Variants in PTPN13 observed in about 807,000 individuals in gnomAD.
The protein encoded by PTPN13 is protein tyrosine phosphatase non-receptor type 13, also known as tyrosine-protein phosphatase non-receptor type 13.
In PTPN13, 191 loss-of-function variants were observed where a neutral mutation model predicts 284.0. The observed-to-expected ratio is 0.67, with a 90% confidence interval of 0.60 to 0.76. The LOEUF is 0.76. Among genes scored for constraint, PTPN13 ranks in the 30% least tolerant of loss-of-function variants. The pLI is 0.00. For synonymous variants in PTPN13, 986 were observed against 1,022.3 expected, an observed-to-expected ratio of 0.96 and a Z score of 0.68; for missense variants, 2,797 against 2,939.9, an observed-to-expected ratio of 0.95 and a Z score of 1.12.
chr4:86,747,809 T>C (rs1736950589), intron 17 of PTPN13, among the ~76,000 whole-genome samples: 1 of 152,238 alleles, frequency 6.6e-6, no homozygotes, highest in Admixed American at 6.5e-5. Context: ...GTCTGCCTGT[T>C]TATTTGTACT....
At chr4:86,657,007 C>A (rs905419713) in intron 2 of PTPN13, among the ~76,000 whole-genome samples, 8 of 152,304 alleles carry the variant, frequency 5.3e-5, no homozygotes, top group African/African-American at 1.9e-4. Context: ...GCTCTGTGGG[C>A]GTGGGAGCCT....
intron 42 of PTPN13, among the ~76,000 whole-genome samples, chr4:86,803,102 G>GTA (rs1554349929): frequency 3.4e-5 from 5 of 148,474 alleles, no homozygotes; most frequent in Non-Finnish European, 7.5e-5. Flanking sequence ...GTGTGTGTGT[G>GTA]TATAAAATAA....
At chr4:86,696,823 A>G (rs1266363267) in intron 6 of PTPN13, among the ~76,000 whole-genome samples, 2 of 151,710 alleles carry the variant, frequency 1.3e-5, no homozygotes, top group East Asian at 1.9e-4. Context: ...TTGTGTTTCT[A>G]TTTTTTTTAG....
At chr4:86,656,176 G>A (rs889508785) in intron 2 of PTPN13, among the ~76,000 whole-genome samples, 15 of 152,078 alleles carry the variant, frequency 9.9e-5, no homozygotes, top group Non-Finnish European at 1.5e-4. Context: ...GCTTCTTTGC[G>A]ATGAGTTCCA....
chr4:86,634,833 G>C (rs1032958050), intron 1 of PTPN13, among the ~76,000 whole-genome samples: 3 of 152,212 alleles, frequency 2.0e-5, no homozygotes, highest in Admixed American at 1.3e-4. Flanking sequence ...TACCATGGCT[G>C]TAGGTTCTCC....
intron 45 of PTPN13, 85 bp downstream of exon 45, chr4:86,807,982 G>A (rs1744835323): frequency 8.5e-7 from 1 of 1,174,420 alleles, no homozygotes; most frequent in Admixed American, 2.7e-5. Flanking sequence ...TTGCACCAAT[G>A]TTATTTCTAG....
intron 1 of PTPN13, among the ~76,000 whole-genome samples, chr4:86,612,798 A>G (rs559113152): frequency 7.9e-5 from 12 of 152,354 alleles, no homozygotes; most frequent in Admixed American, 6.5e-4. Flanking sequence ...AAATAGTGCA[A>G]ACAAGAAGAA....
chr4:86,634,740 ACAGT>A (rs1284884522), intron 1 of PTPN13, among the ~76,000 whole-genome samples: 1 of 152,194 alleles, frequency 6.6e-6, no homozygotes, highest in African/African-American at 2.4e-5. Context: ...TGCAAAATAT[ACAGT>A]TATAGTATAT....
Position 86,803,693 on chromosome 4 carries a change from G to T in PTPN13, c.6506-16G>T, listed in dbSNP as rs747885385. On this transcript the variant is annotated splice_polypyrimidine_tract_variant and intron_variant, in intron 42 of 47. Transcript: ENST00000411767. ...GTTCTGGAGGAACTGTTTTTAAATT[G>T]CTGTCTTCCTATTAGATCATTCCTT... 9.9e-6 allele frequency: 16 copies of T among 1,611,702 alleles called. No homozygotes were observed. The East Asian group carries it at 2.7e-4, about 27-fold the overall frequency.
At chr4:86,649,796 A>G (rs1724870111) in intron 2 of PTPN13, among the ~76,000 whole-genome samples, 1 of 152,124 alleles carries the variant, frequency 6.6e-6, no homozygotes, top group Admixed American at 6.6e-5. Flanking sequence ...ATTGTATTGA[A>G]TCTGTAGATT....
chr4:86,614,425 ATCT>A (rs981640170), intron 1 of PTPN13, among the ~76,000 whole-genome samples: 1 of 152,174 alleles, frequency 6.6e-6, no homozygotes, highest in Non-Finnish European at 1.5e-5. Context: ...AAAAAGGATA[ATCT>A]TTTTTTTACT....
At chr4:86,766,548 T>C in intron 27 of PTPN13, 31 bp downstream of exon 27, 2 of 1,484,610 alleles carry the variant, frequency 1.3e-6, no homozygotes, top group Non-Finnish European at 1.8e-6. Flanking sequence ...CCTTTTACAG[T>C]ACCTTAGAAG....
intron 1 of PTPN13, among the ~76,000 whole-genome samples, chr4:86,624,178 T>A (rs944704575): frequency 6.6e-6 from 1 of 152,180 alleles, no homozygotes; most frequent in African/African-American, 2.4e-5. Context: ...GTAGCTTTAT[T>A]TTCTTTTTTA....
At chr4:86,640,185 T>C (rs1238176133) in intron 2 of PTPN13, among the ~76,000 whole-genome samples, 1 of 152,212 alleles carries the variant, frequency 6.6e-6, no homozygotes, top group African/African-American at 2.4e-5. Context: ...TGTTTGATGA[T>C]CTTTAATTAG....
At chr4:86,598,643 A>G (rs186261510) in intron 1 of PTPN13, among the ~76,000 whole-genome samples, 1 of 152,354 alleles carries the variant, frequency 6.6e-6, no homozygotes, top group African/African-American at 2.4e-5. Flanking sequence ...CCTACTAGCC[A>G]ATAAATGTCT....
chr4:86,722,488 T>C, intron 10 of PTPN13, 54 bp downstream of exon 10: 2 of 1,458,338 alleles, frequency 1.4e-6, no homozygotes, highest in Non-Finnish European at 1.9e-6. Flanking sequence ...CAGGGAACTC[T>C]TGGGCAAAGT....
chr4:86,675,987 C>T (rs1012633235), intron 3 of PTPN13, among the ~76,000 whole-genome samples: 1 of 152,164 alleles, frequency 6.6e-6, no homozygotes, highest in Non-Finnish European at 1.5e-5. Flanking sequence ...AATTATTGCT[C>T]TCTGTGCTTT....
intron 34 of PTPN13, 21 bp downstream of exon 34, chr4:86,775,363 G>C: frequency 6.2e-7 from 1 of 1,607,344 alleles, no homozygotes; most frequent in Non-Finnish European, 8.5e-7. Flanking sequence ...GTCAAACTTT[G>C]TACAATATGA....
chr4:86,606,430 A>G (rs936285035), intron 1 of PTPN13, among the ~76,000 whole-genome samples: 5 of 151,862 alleles, frequency 3.3e-5, no homozygotes, highest in Non-Finnish European at 4.4e-5. Context: ...ATTTATTGTG[A>G]TAATCACTAG....
Sources: gnomAD v4.1 joint callset for allele counts (sites outside exome capture counted in the v4.1 genomes callset) on GRCh38, gnomAD v4.1.1 for gene constraint, MANE v1.5 for transcripts, NCBI Gene and HGNC (gene_info 2026-07-23, HGNC 2026-07-21) for gene names.